Variants in C2orf76 observed in about 807,000 individuals in gnomAD.
C2orf76 encodes chromosome 2 open reading frame 76.
Under a neutral mutation model 16.9 loss-of-function variants are expected in C2orf76, and 23 were observed. The ratio of observed to expected loss-of-function variants is 1.36; its 90% CI spans 0.98 to 1.93. The LOEUF is 1.93. Ranked by LOEUF, C2orf76 falls within the 30% of genes most tolerant of loss-of-function variation. The pLI is 0.00. For synonymous variants in C2orf76, 48 were observed against 52.3 expected, an observed-to-expected ratio of 0.92 and a Z score of 0.35; for missense variants, 152 against 152.6, an observed-to-expected ratio of 1.00 and a Z score of 0.02.
At chr2:119,346,236 T>C (rs750062253) in intron 1 of C2orf76, among the ~76,000 whole-genome samples, 9 of 152,138 alleles carry the variant, frequency 5.9e-5, no homozygotes, top group Non-Finnish European at 7.3e-5. Context: ...TGGCAATTTC[T>C]CACAAAACTA....
chr2:119,357,603 A>G (rs1410360668), intron 1 of C2orf76, among the ~76,000 whole-genome samples: 1 of 151,818 alleles, frequency 6.6e-6, no homozygotes, highest in East Asian at 1.9e-4. Context: ...AAACCAAAAA[A>G]AAAAAAAAAC....
At chr2:119,306,186 G>A (rs1003830047) in intron 5 of C2orf76, among the ~76,000 whole-genome samples, 1 of 152,068 alleles carries the variant, frequency 6.6e-6, no homozygotes, top group Non-Finnish European at 1.5e-5. Context: ...AAGAAAACAC[G>A]CATGACCTAA....
the C2orf76 span, among the ~76,000 whole-genome samples, chr2:119,293,149 A>G: frequency 6.6e-6 from 1 of 152,246 alleles, no homozygotes; most frequent in Non-Finnish European, 1.5e-5. Context: ...ACTGTTCTAT[A>G]CATTGGAGAC....
Position 119,344,172 on chromosome 2 carries a change from A to G in C2orf76, c.-12-4201T>C, listed in dbSNP as rs567968911. Among the ~76,000 whole-genome samples, 7 of 152,302 alleles carry G rather than the reference A, an allele frequency of 4.6e-5. No individual in the cohort carries two copies. The East Asian group carries it at 1.2e-3, about 25-fold the overall frequency. ...TGTCATCTTTCTTTTATGTGCTTCA[A>G]TTTATACTCAGTAACAAAACAATAG... On this transcript the variant is annotated intron_variant, in intron 1 of 5. Transcript: ENST00000334816.
At chr2:119,308,456 A>G (rs995504115) in intron 5 of C2orf76, among the ~76,000 whole-genome samples, 2 of 151,210 alleles carry the variant, frequency 1.3e-5, no homozygotes, top group African/African-American at 4.9e-5. Context: ...CCTGGCCAAT[A>G]TGGCAAAACC....
At chr2:119,343,538 C>T (rs924631470) in intron 1 of C2orf76, among the ~76,000 whole-genome samples, 4 of 151,926 alleles carry the variant, frequency 2.6e-5, no homozygotes, top group African/African-American at 9.7e-5. Context: ...GAATGCAGCC[C>T]AGTGTCCCTA....
chr2:119,317,349 A>G, intron 4 of C2orf76, 117 bp downstream of exon 4: 2 of 669,558 alleles, frequency 3.0e-6, no homozygotes, highest in Non-Finnish European at 4.5e-6. Context: ...CTACAAAATA[A>G]AAAGCGCTAT....
At chr2:119,357,295 C>T (rs1163490449) in intron 1 of C2orf76, among the ~76,000 whole-genome samples, 3 of 152,102 alleles carry the variant, frequency 2.0e-5, no homozygotes, top group Non-Finnish European at 4.4e-5. Flanking sequence ...TGAATATAGA[C>T]ATGAAAATCC....
chr2:119,311,396 C>A (rs1029446043), intron 5 of C2orf76: 5 of 985,276 alleles, frequency 5.1e-6, no homozygotes, highest in African/African-American at 1.7e-5. Context: ...CTTCTGAAAA[C>A]AGCCATTTGC....
the C2orf76 span, among the ~76,000 whole-genome samples, chr2:119,291,996 G>A: frequency 6.6e-6 from 1 of 152,068 alleles, no homozygotes; most frequent in Admixed American, 6.6e-5. Flanking sequence ...TAGCAACAAT[G>A]CCTGTGTTCT....
At chr2:119,354,253 T>C (rs1441111869) in intron 1 of C2orf76, among the ~76,000 whole-genome samples, 3 of 152,244 alleles carry the variant, frequency 2.0e-5, no homozygotes, top group African/African-American at 7.2e-5. Flanking sequence ...CTCACGCTTG[T>C]AATCCCAGCA....
chr2:119,340,153 A>C (rs1573663031), intron 1 of C2orf76, 182 bp from the exon 2 acceptor site: 1 of 560,034 alleles, frequency 1.8e-6, no homozygotes, highest in Non-Finnish European at 3.1e-6. Flanking sequence ...CAGTGATTAT[A>C]CCCACCTATC....
chr2:119,320,916 T>A (rs1679321228), intron 3 of C2orf76, among the ~76,000 whole-genome samples: 1 of 152,166 alleles, frequency 6.6e-6, no homozygotes, highest in African/African-American at 2.4e-5. Context: ...TCTAATTACC[T>A]GGCAGAGAAA....
intron 2 of C2orf76, among the ~76,000 whole-genome samples, chr2:119,334,308 A>G (rs1295166535): frequency 6.7e-6 from 1 of 150,236 alleles, no homozygotes; most frequent in Non-Finnish European, 1.5e-5. Flanking sequence ...GGGTGGCTAC[A>G]TGACATTACC....
intron 5 of C2orf76, among the ~76,000 whole-genome samples, chr2:119,307,255 C>T (rs1026873894): frequency 4.2e-5 from 6 of 143,820 alleles, no homozygotes; most frequent in South Asian, 2.2e-4. Context: ...GCCTGGCCAA[C>T]GTGGTGAAAC....
intron 2 of C2orf76, among the ~76,000 whole-genome samples, chr2:119,337,926 T>C (rs1204005552): frequency 1.3e-5 from 2 of 152,156 alleles, no homozygotes; most frequent in Non-Finnish European, 2.9e-5. Flanking sequence ...AGCTTGAAAA[T>C]ACATCTTATT....
At chr2:119,315,958 T>C (rs1679157595) in intron 4 of C2orf76, among the ~76,000 whole-genome samples, 1 of 152,220 alleles carries the variant, frequency 6.6e-6, no homozygotes, top group Non-Finnish European at 1.5e-5. Flanking sequence ...GATAAAGGAA[T>C]AATTTACTAC....
chr2:119,289,914 G>C, the C2orf76 span, among the ~76,000 whole-genome samples: 2 of 151,824 alleles, frequency 1.3e-5, no homozygotes, highest in African/African-American at 2.4e-5. Context: ...AGGGCAGACT[G>C]GTTTTTATTC....
intron 1 of C2orf76, among the ~76,000 whole-genome samples, chr2:119,360,156 T>C (rs758788744): frequency 1.3e-5 from 2 of 152,200 alleles, no homozygotes; most frequent in African/African-American, 2.4e-5. Context: ...TAGTTAGCAT[T>C]TTTTAGCAAT....
Sources: allele counts gnomAD v4.1 joint callset (sites outside exome capture counted in the v4.1 genomes callset), GRCh38; gene constraint gnomAD v4.1.1; transcripts MANE v1.5; gene names NCBI Gene and HGNC (gene_info 2026-07-23, HGNC 2026-07-21).